ASIC2: variants seen among roughly 807,000 people sequenced by gnomAD.
The protein encoded by ASIC2 is acid-sensing ion channel 2.
Under a neutral mutation model 57.3 loss-of-function variants are expected in ASIC2, and 25 were observed. The observed-to-expected ratio is 0.44, with a 90% CI of 0.32 to 0.61. The LOEUF is 0.61. ASIC2 is among the 20% of genes least tolerant of loss of function. The pLI is 0.06. For synonymous variants in ASIC2, 319 were observed against 307.5 expected, an observed-to-expected ratio of 1.04 and a Z score of -0.39; for missense variants, 641 against 738.1, an observed-to-expected ratio of 0.87 and a Z score of 1.52.
At chr17:33,043,131 T>G (rs1460584700) in intron 3 of ASIC2, among the ~76,000 whole-genome samples, 1 of 152,176 alleles carries the variant, frequency 6.6e-6, no homozygotes, top group Non-Finnish European at 1.5e-5. Context: ...TTCACCGTGT[T>G]AGCCAGAATG....
At chr17:33,161,219 T>C (rs1457610646) in intron 1 of ASIC2, among the ~76,000 whole-genome samples, 3 of 152,118 alleles carry the variant, frequency 2.0e-5, no homozygotes, top group African/African-American at 7.2e-5. Context: ...CTGGAGTGAG[T>C]AAGAGGACTA....
At chr17:34,005,037 C>T (rs1191783266) in intron 1 of ASIC2, 1 of 152,158 alleles carries the variant, frequency 6.6e-6, no homozygotes, top group Non-Finnish European at 1.5e-5. Flanking sequence ...TAATGCTATG[C>T]ATTAGGTGCT....
chr17:33,840,528 A>G (rs148298246), intron 1 of ASIC2, among the ~76,000 whole-genome samples: 133 of 152,316 alleles, frequency 8.7e-4, no homozygotes, highest in African/African-American at 2.9e-3. Context: ...CCCGCTCTCC[A>G]TGGACCTTCA....
rs556303071 is a variant in ASIC2, at chr17:33,405,933, A to G, written c.556-293866T>C. Among the ~76,000 whole-genome samples, 96 of 152,274 alleles carry G rather than the reference A, an allele frequency of 6.3e-4. 3 individuals carry two copies. The South Asian group carries it at 0.019, about 31-fold the overall frequency. On this transcript the variant is annotated intron_variant, in intron 1 of 9. Coordinates refer to the ASIC2 transcript ENST00000359872. ...CCAGACAGTTAGAGACGACCCTGCC[A>G]GCCCGAGCCTGCGAGCATTATTTAC...
intron 1 of ASIC2, among the ~76,000 whole-genome samples, chr17:33,750,696 T>C (rs563476844): frequency 6.6e-6 from 1 of 152,302 alleles, no homozygotes; most frequent in Admixed American, 6.5e-5. Context: ...TGTTTTGATC[T>C]AAGATCATTG....
chr17:33,564,130 T>C (rs2043470), intron 1 of ASIC2, among the ~76,000 whole-genome samples: 88,164 of 152,044 alleles, frequency 0.58, 26,409 homozygotes, highest in African/African-American at 0.73. Context: ...CGGTCTTGCA[T>C]GGCTGAGATG....
At chr17:33,023,450 A>G (rs932438462) in intron 6 of ASIC2, among the ~76,000 whole-genome samples, 22 of 151,586 alleles carry the variant, frequency 1.5e-4, no homozygotes, top group African/African-American at 5.3e-4. Flanking sequence ...AGATCATGCC[A>G]CTGCACTCCA....
chr17:33,161,857 GTTTTTTTTTTTTTTTTT>G (rs199823485), intron 1 of ASIC2, among the ~76,000 whole-genome samples: 1 of 94,200 alleles, frequency 1.1e-5, no homozygotes, highest in Non-Finnish European at 2.1e-5. Flanking sequence ...GAATTCCTAG[GTTTTTTTTTTTTTTTTT>G]TTTTTTTTTT....
At chr17:33,597,298 G>A (rs1447343294) in intron 1 of ASIC2, among the ~76,000 whole-genome samples, 2 of 152,188 alleles carry the variant, frequency 1.3e-5, no homozygotes, top group Admixed American at 6.5e-5. Flanking sequence ...TGGAAGAAAT[G>A]CCTCCACAGG....
At chr17:33,247,385 A>G (rs566159916) in intron 1 of ASIC2, among the ~76,000 whole-genome samples, 1 of 152,312 alleles carries the variant, frequency 6.6e-6, no homozygotes, top group Non-Finnish European at 1.5e-5. Flanking sequence ...TGAGGGCCTG[A>G]GAGATCTTAG....
At chr17:33,305,257 C>G (rs1015304821) in intron 1 of ASIC2, among the ~76,000 whole-genome samples, 1 of 152,120 alleles carries the variant, frequency 6.6e-6, no homozygotes, top group Non-Finnish European at 1.5e-5. Flanking sequence ...GCAGATTTTG[C>G]TGATATCAAA....
Position 33,728,254 on chromosome 17 carries a change from A to G in ASIC2, c.555+427724T>C, listed in dbSNP as rs181544626. ...ATGTGGCTCCAGGGGCCCAAAGCCA[A>G]TGGTGGGTTTGGCTCTAGCTGGGAC... On this transcript the variant is annotated intron_variant, in intron 1 of 9. Transcript: ENST00000359872. Among the ~76,000 whole-genome samples the G allele has an allele frequency of 9.2e-5, 14 of 152,188 alleles. 1 individual carries two copies. In the East Asian group the frequency reaches 2.3e-3, roughly 25 times the overall value.
intron 1 of ASIC2, among the ~76,000 whole-genome samples, chr17:33,314,267 A>C (rs1028938784): frequency 6.6e-6 from 1 of 152,194 alleles, no homozygotes; most frequent in African/African-American, 2.4e-5. Context: ...TTTTAACATG[A>C]TACTATTAAT....
chr17:33,075,818 C>G (rs1247122925), intron 3 of ASIC2, among the ~76,000 whole-genome samples: 3 of 152,124 alleles, frequency 2.0e-5, no homozygotes, highest in African/African-American at 7.2e-5. Flanking sequence ...AAGTGAAGGA[C>G]CCATTGTCTT....
At chr17:33,578,412 CT>C (rs1259918952) in intron 1 of ASIC2, among the ~76,000 whole-genome samples, 7 of 152,262 alleles carry the variant, frequency 4.6e-5, no homozygotes, top group Admixed American at 2.6e-4. Flanking sequence ...TCTTCAGGCT[CT>C]GCTACCTTAC....
intron 1 of ASIC2, among the ~76,000 whole-genome samples, chr17:33,734,431 G>C (rs1028476925): frequency 6.6e-6 from 1 of 152,230 alleles, no homozygotes; most frequent in Non-Finnish European, 1.5e-5. Flanking sequence ...TTCTCTCTCT[G>C]TATTATCCCT....
At chr17:33,996,196 T>A (rs1256206100) in intron 1 of ASIC2, among the ~76,000 whole-genome samples, 2 of 152,152 alleles carry the variant, frequency 1.3e-5, no homozygotes, top group East Asian at 1.9e-4. Context: ...TTTAATCAGG[T>A]TATTTGTTTT....
intron 1 of ASIC2, among the ~76,000 whole-genome samples, chr17:33,913,565 A>G (rs1312538146): frequency 1.3e-5 from 2 of 152,164 alleles, no homozygotes; most frequent in South Asian, 2.1e-4. Context: ...CTTCACTACC[A>G]TTAGCTTGAT....
intron 1 of ASIC2, among the ~76,000 whole-genome samples, chr17:33,547,240 C>A (rs1915606593): frequency 1.3e-5 from 2 of 150,848 alleles, no homozygotes; most frequent in Admixed American, 6.6e-5. Context: ...ACCTAATGAC[C>A]ATGGATGGGG....
Sources: allele counts gnomAD v4.1 joint callset (sites outside exome capture counted in the v4.1 genomes callset), GRCh38; gene constraint gnomAD v4.1.1; transcripts MANE v1.5; gene names NCBI Gene and HGNC (gene_info 2026-07-23, HGNC 2026-07-21).